The following CAMK4 variants were observed in gnomAD, a reference collection of about 807,000 sequenced individuals.
CAMK4 encodes calcium/calmodulin dependent protein kinase IV.
In CAMK4, 22 loss-of-function variants were observed where a neutral mutation model predicts 44.9. That is an observed-to-expected ratio of 0.49 (90% CI 0.35 to 0.70). The LOEUF is 0.70. Among genes scored for constraint, CAMK4 ranks in the 30% least tolerant of loss-of-function variants. The pLI is 0.01. For synonymous variants in CAMK4, 218 were observed against 215.4 expected (o/e 1.01, Z -0.11); for missense variants, 498 against 586.8 (o/e 0.85, Z 1.56).
chr5:111,429,456 C>T lies in CAMK4; in HGVS notation c.460-17230C>T, dbSNP rs760637475. ...GAAAGAAATCTAAAACCTGAACAGACCAATAAAAAGTAATGAAATCGAAGC... is the reference window on the plus strand; with the variant it reads ...GAAAGAAATCTAAAACCTGAACAGATCAATAAAAAGTAATGAAATCGAAGC... On this transcript the variant is annotated intron_variant, in intron 5 of 10. Transcript: ENST00000282356. Among the ~76,000 whole-genome samples the T allele has an allele frequency of 2.6e-5, 4 of 151,912 alleles. No homozygotes were observed. In the South Asian group the frequency reaches 8.3e-4, roughly 32 times the overall value.
intron 5 of CAMK4, among the ~76,000 whole-genome samples, chr5:111,406,590 A>C (rs1357172669): frequency 6.6e-6 from 1 of 152,122 alleles, no homozygotes; most frequent in Non-Finnish European, 1.5e-5. Flanking sequence ...TAATTAAAGA[A>C]CAATAAAAAT....
intron 9 of CAMK4, 57 bp downstream of exon 9, chr5:111,478,564 T>A: frequency 1.1e-6 from 1 of 899,954 alleles, no homozygotes; most frequent in Non-Finnish European, 1.6e-6. Flanking sequence ...TTTAACTAAT[T>A]AATGGGAAGT....
intron 1 of CAMK4, among the ~76,000 whole-genome samples, chr5:111,252,212 G>A (rs767582441): frequency 9.2e-5 from 14 of 152,116 alleles, no homozygotes; most frequent in African/African-American, 1.4e-4. Flanking sequence ...TTTAAACCTC[G>A]TCAGAGTCAC....
chr5:111,251,993 G>A (rs546997499), intron 1 of CAMK4, among the ~76,000 whole-genome samples: 36 of 152,260 alleles, frequency 2.4e-4, no homozygotes, highest in African/African-American at 6.0e-4. Context: ...ACACTTGTGC[G>A]TCTCTGTACA....
chr5:111,458,769 G>A (rs1335348705), intron 7 of CAMK4, among the ~76,000 whole-genome samples: 1 of 152,196 alleles, frequency 6.6e-6, no homozygotes. Context: ...CATACCTAGT[G>A]AAAGAATGTT....
Position 111,355,825 on chromosome 5 carries a change from C to T in CAMK4, c.240+11723C>T, listed in dbSNP as rs1315490404. Among the ~76,000 whole-genome samples, 12 of 148,468 alleles carry T rather than the reference C, an allele frequency of 8.1e-5. No individual in the cohort carries two copies. The South Asian group carries it at 2.7e-3, about 33-fold the overall frequency. The stretch of plus-strand genomic sequence containing the variant: ...ATTTCATCCATGTCCCTACAAAGGA[C>T]ATGAACTCATCATTTTTTATGGCTG... On this transcript the variant is annotated intron_variant, in intron 2 of 10. Transcript: ENST00000282356.
intron 1 of CAMK4, among the ~76,000 whole-genome samples, chr5:111,254,318 G>A (rs2112547252): frequency 6.6e-6 from 1 of 152,290 alleles, no homozygotes. Context: ...AGTCACTGTG[G>A]ACAAGACCCT....
At chr5:111,379,665 G>C (rs1486016609) in intron 4 of CAMK4, among the ~76,000 whole-genome samples, 1 of 151,720 alleles carries the variant, frequency 6.6e-6, no homozygotes. Context: ...TTTGTACTTA[G>C]GTCAAAACAA....
intron 2 of CAMK4, among the ~76,000 whole-genome samples, chr5:111,349,048 T>G (rs1304278689): frequency 6.6e-6 from 1 of 152,040 alleles, no homozygotes; most frequent in African/African-American, 2.4e-5. Flanking sequence ...TTTCATGGTG[T>G]TAACTGTAAA....
At chr5:111,327,835 C>T (rs1212239984) in intron 1 of CAMK4, among the ~76,000 whole-genome samples, 10 of 148,992 alleles carry the variant, frequency 6.7e-5, no homozygotes, top group East Asian at 3.9e-4. Context: ...TCATATCCTT[C>T]GCCCACTTTT....
intron 1 of CAMK4, among the ~76,000 whole-genome samples, chr5:111,267,723 AAAAAAG>A (rs1750319995): frequency 6.6e-6 from 1 of 151,606 alleles, no homozygotes; most frequent in South Asian, 2.1e-4. Context: ...AAAAAAAAAA[AAAAAAG>A]AATCTTCATT....
chr5:111,421,123 G>A (rs1485917123), intron 5 of CAMK4, among the ~76,000 whole-genome samples: 1 of 152,188 alleles, frequency 6.6e-6, no homozygotes, highest in Admixed American at 6.5e-5. Flanking sequence ...ACTAATAAAT[G>A]TCCATGAAAA....
At chr5:111,410,715 G>T (rs745682298) in intron 5 of CAMK4, among the ~76,000 whole-genome samples, 1 of 152,044 alleles carries the variant, frequency 6.6e-6, no homozygotes, top group South Asian at 2.1e-4. Context: ...ATTTTTATTT[G>T]GTAATGGCTA....
intron 2 of CAMK4, among the ~76,000 whole-genome samples, chr5:111,366,438 AGG>A (rs1268991623): frequency 3.3e-4 from 51 of 152,296 alleles, no homozygotes; most frequent in Admixed American, 3.3e-3. Flanking sequence ...TAAGATAGCC[AGG>A]TTGTTCAAAT....
chr5:111,276,174 C>A (rs962839971), intron 1 of CAMK4, among the ~76,000 whole-genome samples: 3 of 152,100 alleles, frequency 2.0e-5, no homozygotes, highest in Non-Finnish European at 2.9e-5. Flanking sequence ...TGTATCTATT[C>A]TCTGTTTTGT....
chr5:111,283,521 T>C (rs1369716202), intron 1 of CAMK4, among the ~76,000 whole-genome samples: 2 of 152,212 alleles, frequency 1.3e-5, no homozygotes, highest in African/African-American at 4.8e-5. Context: ...AATAATGTCT[T>C]CCAAGCTGCT....
At chr5:111,428,646 A>G (rs1023729694) in intron 5 of CAMK4, among the ~76,000 whole-genome samples, 5 of 152,204 alleles carry the variant, frequency 3.3e-5, no homozygotes, top group African/African-American at 9.6e-5. Flanking sequence ...AGAAGAAAGA[A>G]TTAGTGAGCT....
intron 5 of CAMK4, among the ~76,000 whole-genome samples, chr5:111,420,657 C>T (rs967364923): frequency 3.9e-5 from 6 of 152,080 alleles, no homozygotes; most frequent in Admixed American, 6.6e-5. Context: ...CTGAGGGGGC[C>T]GTTTATAGGC....
intron 1 of CAMK4, among the ~76,000 whole-genome samples, chr5:111,336,480 TA>T (rs5870440): frequency 0.49 from 74,509 of 150,552 alleles, 19,107 homozygotes; most frequent in African/African-American, 0.63. Flanking sequence ...TAATATAGGT[TA>T]TTTTTTTGAG....
Sources: allele counts gnomAD v4.1 joint callset (sites outside exome capture counted in the v4.1 genomes callset), GRCh38; gene constraint gnomAD v4.1.1; transcripts MANE v1.5; gene names NCBI Gene and HGNC (gene_info 2026-07-23, HGNC 2026-07-21).